ELMO1: variants seen among roughly 807,000 people sequenced by gnomAD.
The protein encoded by ELMO1 is engulfment and cell motility 1, also known as engulfment and cell motility protein 1.
A neutral mutation model predicts 98.9 loss-of-function variants in ELMO1; 26 were observed. The observed-to-expected ratio is 0.26, with a 90% CI of 0.19 to 0.36. The LOEUF (loss-of-function observed/expected upper bound fraction) is 0.36. Among genes scored for constraint, ELMO1 ranks in the 10% least tolerant of loss-of-function variants. The pLI, the probability that ELMO1 is intolerant of heterozygous loss-of-function variation, is 1.00. For synonymous variants in ELMO1, 346 were observed against 346.0 expected, an observed-to-expected ratio of 1.00 and a Z score of 0.00; for missense variants, 627 against 935.2, an observed-to-expected ratio of 0.67 and a Z score of 4.30.
chr7:36,984,441 A>AAGGTCT (rs1791344044), intron 16 of ELMO1, among the ~76,000 whole-genome samples: 1 of 152,188 alleles, frequency 6.6e-6, no homozygotes, highest in Non-Finnish European at 1.5e-5. Context: ...GACAGAGTAG[A>AAGGTCT]AGGTCTCTCC....
At chr7:37,325,728 T>A (rs931274743) in intron 2 of ELMO1, among the ~76,000 whole-genome samples, 7 of 152,340 alleles carry the variant, frequency 4.6e-5, no homozygotes, top group Middle Eastern at 6.8e-3. Flanking sequence ...AGATAGAAAT[T>A]CATTGAACAT....
intron 1 of ELMO1, among the ~76,000 whole-genome samples, chr7:37,361,087 G>A (rs1398745727): frequency 1.3e-5 from 2 of 152,094 alleles, no homozygotes; most frequent in Admixed American, 1.3e-4. Context: ...TTGAAAAACA[G>A]TTTGGTACAT....
intron 16 of ELMO1, among the ~76,000 whole-genome samples, chr7:36,972,047 C>G (rs1380923385): frequency 6.6e-6 from 1 of 152,104 alleles, no homozygotes; most frequent in Non-Finnish European, 1.5e-5. Flanking sequence ...TCTGGCCCCC[C>G]AACAATGGCA....
intron 3 of ELMO1, 120 bp from the exon 4 acceptor site, chr7:37,315,042 T>A: frequency 1.2e-6 from 1 of 809,872 alleles, no homozygotes; most frequent in South Asian, 1.7e-5. Context: ...TCCCAACATA[T>A]ACCACAATGC....
rs1172703416 is a variant in ELMO1 at position 37,096,721 on chromosome 7, G to C, written c.1198C>G (p.Leu400Val). 1 of 1,613,766 alleles carries C rather than the reference G, an allele frequency of 6.2e-7. No individual in the cohort carries two copies. Among genetic ancestry groups the C allele is most frequent in the Admixed American group, 1.7e-5 (1 of 60,014 alleles). ...HHQDAYIRIV[L>V]ENSSREDKHE... ...TTGTCTTCTCGACTACTGTTCTCAA[G>C]CACAATCTGTAATGGGAAAGGGAAC... Residue 400 changes from leucine (L) to valine (V), a missense_variant, in exon 15 of 22, where the codon CTT becomes GTT. Around this residue, in one of 3 missense-constraint regions of ELMO1, gnomAD observed 492 missense variants for 715.6 expected, o/e 0.69. Coordinates refer to ENST00000310758, the MANE Select transcript of ELMO1 (RefSeq NM_014800.11).
At chr7:37,228,055 C>T (rs1043047650) in intron 8 of ELMO1, among the ~76,000 whole-genome samples, 1 of 152,234 alleles carries the variant, frequency 6.6e-6, no homozygotes, top group African/African-American at 2.4e-5. Flanking sequence ...ATGTACAAGT[C>T]TGAAGTAGAT....
intron 15 of ELMO1, among the ~76,000 whole-genome samples, chr7:37,030,135 G>A (rs1794797601): frequency 6.6e-6 from 1 of 152,032 alleles, no homozygotes; most frequent in Admixed American, 6.6e-5. Context: ...TCTTCACTAA[G>A]GAGAGACCAT....
chr7:36,862,447 G>C (rs191275366), intron 20 of ELMO1, among the ~76,000 whole-genome samples: 9 of 152,350 alleles, frequency 5.9e-5, no homozygotes, highest in East Asian at 5.8e-4. Flanking sequence ...AGAAGTCTAG[G>C]AACCAAGTGA....
intron 6 of ELMO1, among the ~76,000 whole-genome samples, chr7:37,258,307 G>A (rs906097392): frequency 2.6e-5 from 4 of 152,030 alleles, no homozygotes; most frequent in Admixed American, 2.0e-4. Context: ...TGGGTGTGGT[G>A]GCACATGCCT....
chr7:37,133,872 C>T (rs558973334), intron 13 of ELMO1, among the ~76,000 whole-genome samples: 5 of 152,252 alleles, frequency 3.3e-5, no homozygotes, highest in Admixed American at 6.5e-5. Context: ...ACACAGAACC[C>T]CAAAGATTAA....
chr7:37,306,265 G>A (rs1443654437), intron 4 of ELMO1, among the ~76,000 whole-genome samples: 1 of 152,168 alleles, frequency 6.6e-6, no homozygotes, highest in Non-Finnish European at 1.5e-5. Context: ...GGTTAGTAAA[G>A]CTACACCAAG....
intron 4 of ELMO1, among the ~76,000 whole-genome samples, chr7:37,313,813 G>C (rs930139220): frequency 6.6e-6 from 1 of 152,106 alleles, no homozygotes; most frequent in Non-Finnish European, 1.5e-5. Context: ...TACTGACTGG[G>C]ACAAAGCCTG....
chr7:37,110,993 ACT>A (rs1785221937), intron 14 of ELMO1, among the ~76,000 whole-genome samples: 1 of 152,132 alleles, frequency 6.6e-6, no homozygotes, highest in Admixed American at 6.5e-5. Flanking sequence ...TTCAGAAAAG[ACT>A]CTCAGTTACT....
chr7:37,236,263 A>G (rs923983907), intron 7 of ELMO1, among the ~76,000 whole-genome samples: 5 of 152,190 alleles, frequency 3.3e-5, no homozygotes, highest in African/African-American at 4.8e-5. Flanking sequence ...AAGGAGAAAA[A>G]GTATCATTTG....
chr7:37,075,093 G>A (rs1235494651), intron 15 of ELMO1, among the ~76,000 whole-genome samples: 3 of 152,006 alleles, frequency 2.0e-5, no homozygotes, highest in East Asian at 1.9e-4. Context: ...ATTTCTGCCT[G>A]GGTTTTAGAT....
At chr7:37,186,307 A>AAAC (rs764922412) in intron 13 of ELMO1, among the ~76,000 whole-genome samples, 3 of 152,202 alleles carry the variant, frequency 2.0e-5, no homozygotes, top group Non-Finnish European at 4.4e-5. Flanking sequence ...CAATTAACTC[A>AAAC]AAATGGATCA....
intron 4 of ELMO1, among the ~76,000 whole-genome samples, chr7:37,297,755 A>G (rs562874883): frequency 1.3e-5 from 2 of 152,326 alleles, no homozygotes; most frequent in South Asian, 4.1e-4. Flanking sequence ...AGGAATGACT[A>G]TGGGCCAAGT....
chr7:36,928,188 C>T (rs950747630), intron 16 of ELMO1, among the ~76,000 whole-genome samples: 12 of 152,294 alleles, frequency 7.9e-5, no homozygotes, highest in Middle Eastern at 6.8e-3. Flanking sequence ...CGCCCGGATT[C>T]GTAAGTGCAT....
intron 16 of ELMO1, among the ~76,000 whole-genome samples, chr7:36,911,387 A>G (rs1236502150): frequency 2.0e-5 from 3 of 152,238 alleles, no homozygotes; most frequent in African/African-American, 7.2e-5. Flanking sequence ...AAGGCAAAAT[A>G]AATACTATAT....
Sources: allele counts gnomAD v4.1 joint callset (sites outside exome capture counted in the v4.1 genomes callset), GRCh38; gene constraint gnomAD v4.1.1; regional missense constraint gnomAD v4.1.1; transcripts MANE v1.5; gene names NCBI Gene and HGNC (gene_info 2026-07-23, HGNC 2026-07-21).